The following ASXL2 variants were observed in gnomAD, a reference collection of about 807,000 sequenced individuals.
ASXL2 encodes putative Polycomb group protein ASXL2.
In ASXL2, 23 loss-of-function variants were observed where a neutral mutation model predicts 122.0. That is an observed-to-expected ratio of 0.19 (90% confidence interval 0.14 to 0.27). The LOEUF (loss-of-function observed/expected upper bound fraction) is 0.27, where lower values mean the gene tolerates loss of function less well. Ranked by LOEUF, ASXL2 falls within the 10% of genes least tolerant of loss-of-function variation. ASXL2 has a pLI of 1.00. For missense variants in ASXL2, 1,518 were observed against 1,713.8 expected, an observed-to-expected ratio of 0.89 and a Z score of 2.02; for synonymous variants, 650 against 637.0, an observed-to-expected ratio of 1.02 and a Z score of -0.31.
chr2:25,829,368 T>C (rs1352863752), intron 3 of ASXL2, among the ~76,000 whole-genome samples: 1 of 152,108 alleles, frequency 6.6e-6, no homozygotes, highest in Non-Finnish European at 1.5e-5. Flanking sequence ...AAAATACTTA[T>C]GAATGAATAT....
At chr2:25,848,059 G>A (rs867849141) in intron 1 of ASXL2, among the ~76,000 whole-genome samples, 1 of 152,130 alleles carries the variant, frequency 6.6e-6, no homozygotes, top group Middle Eastern at 3.4e-3. Flanking sequence ...CCATGAAATG[G>A]CTATGTATGC....
chr2:25,749,469 C>T (rs2088001175), intron 12 of ASXL2, among the ~76,000 whole-genome samples: 1 of 152,188 alleles, frequency 6.6e-6, no homozygotes, highest in Non-Finnish European at 1.5e-5. Context: ...ATTAGATGCC[C>T]AGGTACCTTC....
intron 2 of ASXL2, among the ~76,000 whole-genome samples, chr2:25,841,040 G>A (rs1379478418): frequency 2.0e-5 from 3 of 152,296 alleles, no homozygotes; most frequent in Admixed American, 1.3e-4. Context: ...GCTCACGCCT[G>A]TTATCCCAGC....
At chr2:25,792,153 C>T (rs2088844168) in intron 5 of ASXL2, among the ~76,000 whole-genome samples, 2 of 152,322 alleles carry the variant, frequency 1.3e-5, no homozygotes, top group Non-Finnish European at 1.5e-5. Flanking sequence ...CACACCACCA[C>T]ATTCGGCTAA....
chr2:25,743,395 G>A lies in ASXL2; in HGVS notation c.2942C>T (p.Pro981Leu). ...CCCCCTTTCCTCTTTTGCAGTCAGT[G>A]GAACCGTTTTCATTTCAACTTTGGT... ...PLTKVEMKTV[P>L]LTAKEERGMG... is the part of the protein sequence containing the mutation. Residue 981 changes from proline (P) to leucine (L), a missense_variant, in exon 13 of 13, where the codon CCA becomes CTA. Coordinates refer to ENST00000435504, the MANE Select transcript of ASXL2 (RefSeq NM_018263.6). 1 of 1,613,950 alleles carries A rather than the reference G, an allele frequency of 6.2e-7. No homozygotes were observed. Among genetic ancestry groups the A allele is most frequent in the East Asian group, 2.2e-5 (1 of 44,882 alleles).
intron 5 of ASXL2, among the ~76,000 whole-genome samples, chr2:25,772,759 T>C (rs1281759320): frequency 8.4e-6 from 1 of 119,294 alleles, no homozygotes; most frequent in Non-Finnish European, 1.7e-5. Flanking sequence ...AAAAAAAAGG[T>C]ACATACGTTC....
At chr2:25,856,996 G>C in intron 1 of ASXL2, 1 of 271,854 alleles carries the variant, frequency 3.7e-6, no homozygotes, top group Non-Finnish European at 6.9e-6. Context: ...AGTAATGATA[G>C]CAAGTTTCTT....
At chr2:25,821,228 G>C (rs1158324148) in intron 3 of ASXL2, among the ~76,000 whole-genome samples, 7 of 151,942 alleles carry the variant, frequency 4.6e-5, no homozygotes. Flanking sequence ...GTGGTGGTGT[G>C]TTCCCATAGT....
chr2:25,858,471 T>C (rs1160951179), intron 1 of ASXL2, among the ~76,000 whole-genome samples: 1 of 151,530 alleles, frequency 6.6e-6, no homozygotes, highest in African/African-American at 2.4e-5. Context: ...ACGCCTGTAA[T>C]CCCAGCACTT....
chr2:25,856,934 C>G (rs2089786443), intron 1 of ASXL2: 1 of 589,046 alleles, frequency 1.7e-6, no homozygotes, highest in Non-Finnish European at 3.1e-6. Context: ...GTGTCCTATA[C>G]CTCATTTTTA....
rs755955478 is a variant in ASXL2 at position 25,744,453 on chromosome 2, G to A, written c.1884C>T (p.Pro628=). The part of the protein sequence containing the change: ...PLKIPVSRIS[P]MPFHPSQVSP... ...AGACCTGCGATGGATGAAACGGCAT[G>A]GGGGAGATTCTGGAGACCGGGATCT... is the stretch of plus-strand genomic sequence containing the variant. The change falls in exon 13 of 13, where the codon CCC becomes CCT. Residue 628 remains proline (P), a synonymous_variant. Coordinates refer to ENST00000435504, the MANE Select transcript of ASXL2 (RefSeq NM_018263.6). This position sits in a 1 kb window ranked among gnomAD's most constrained non-coding sequence, Gnocchi z 4.7. 16 of 1,604,354 alleles carry A rather than the reference G, an allele frequency of 1.0e-5. No homozygotes were observed. The South Asian group carries it at 1.6e-4, about 16-fold the overall frequency.
rs182229864 is a variant in ASXL2 at position 25,759,317 on chromosome 2, T to C, written c.939+165A>G. Among the ~76,000 whole-genome samples, 591 of 152,350 alleles carry C rather than the reference T, an allele frequency of 3.9e-3. 3 individuals are homozygous for C. The highest frequency in any genetic ancestry group is 6.8e-3 in the Non-Finnish European group (461 of 68,032). On this transcript the variant is annotated intron_variant, in intron 9 of 12. Transcript: ENST00000435504. The stretch of plus-strand genomic sequence containing the variant: ...ATACAGTCAAAATAATTCTGTCATC[T>C]TGAAATTCTGGTAGGAGAATTTTTT...
intron 8 of ASXL2, among the ~76,000 whole-genome samples, chr2:25,760,419 T>C (rs1574401296): frequency 1.3e-5 from 2 of 152,144 alleles, no homozygotes; most frequent in Admixed American, 1.3e-4. Flanking sequence ...CTGAACATAT[T>C]TGTCTATGAA....
intron 12 of ASXL2, among the ~76,000 whole-genome samples, chr2:25,748,089 A>G (rs1309400443): frequency 6.6e-6 from 1 of 152,134 alleles, no homozygotes; most frequent in Non-Finnish European, 1.5e-5. Context: ...GAGACAGGAG[A>G]ATCCCTTGAA....
At chr2:25,797,704 A>C (rs1027816636) in intron 5 of ASXL2, among the ~76,000 whole-genome samples, 4 of 152,260 alleles carry the variant, frequency 2.6e-5, no homozygotes, top group African/African-American at 4.8e-5. Context: ...CACACCTATC[A>C]GGCCAAAATC....
At chr2:25,759,194 A>T (rs1293828318) in intron 9 of ASXL2, among the ~76,000 whole-genome samples, 1 of 152,116 alleles carries the variant, frequency 6.6e-6, no homozygotes, top group Admixed American at 6.5e-5. Context: ...ACCTCAGGTG[A>T]TCTGCCCTCC....
At chr2:25,826,750 AG>A (rs1407928204) in intron 3 of ASXL2, among the ~76,000 whole-genome samples, 12 of 132,882 alleles carry the variant, frequency 9.0e-5, no homozygotes, top group African/African-American at 3.2e-4. Flanking sequence ...ATTAAATAAT[AG>A]ACTTTCAAGG....
chr2:25,876,766 T>A (rs932008677), intron 1 of ASXL2, among the ~76,000 whole-genome samples: 7 of 152,206 alleles, frequency 4.6e-5, no homozygotes, highest in Non-Finnish European at 8.8e-5. Flanking sequence ...AGACATATTG[T>A]AAGTGAAAAC....
At chr2:25,852,697 A>C (rs2089730861) in intron 1 of ASXL2, among the ~76,000 whole-genome samples, 1 of 152,254 alleles carries the variant, frequency 6.6e-6, no homozygotes, top group Admixed American at 6.5e-5. Flanking sequence ...ACTAGGAAAT[A>C]AACTAAATGA....
Sources: allele counts gnomAD v4.1 joint callset (sites outside exome capture counted in the v4.1 genomes callset), GRCh38; gene constraint gnomAD v4.1.1; non-coding constraint Gnocchi (gnomAD v3.1); transcripts MANE v1.5; gene names NCBI Gene and HGNC (gene_info 2026-07-23, HGNC 2026-07-21).